The following ZBTB5 variants were observed in gnomAD, a reference collection of about 807,000 sequenced individuals.
The protein encoded by ZBTB5 is zinc finger and BTB domain containing 5, also known as zinc finger and BTB domain-containing protein 5.
Under a neutral mutation model 37.9 loss-of-function variants are expected in ZBTB5, and 15 were observed. The ratio of observed to expected loss-of-function variants is 0.40; its 90% CI spans 0.26 to 0.61. The LOEUF (loss-of-function observed/expected upper bound fraction) is 0.61. ZBTB5 is among the 20% of genes least tolerant of loss of function. The pLI is 0.47. For missense variants in ZBTB5, 708 were observed against 856.8 expected, an observed-to-expected ratio of 0.83 and a Z score of 2.17; for synonymous variants, 315 against 312.4, an observed-to-expected ratio of 1.01 and a Z score of -0.09.
rs1170436974 is a variant in ZBTB5, at chr9:37,441,086, G to A, written c.1466C>T (p.Pro489Leu). 12 of 1,613,910 alleles carry A rather than the reference G, an allele frequency of 7.4e-6. No individual in the cohort carries two copies. The highest frequency in any genetic ancestry group is 1.1e-5 in the South Asian group (1 of 91,074). Residue 489 changes from proline (P) to leucine (L), a missense_variant, in exon 2 of 2, where the codon CCG becomes CTG. Around this residue, in one of 3 missense-constraint regions of ZBTB5, gnomAD observed 639 missense variants for 690.5 expected, o/e 0.93. Coordinates refer to ENST00000307750, the MANE Select transcript of ZBTB5 (RefSeq NM_014872.3). ...TTGGTAGCCTGAAGTCTGCACACAC[G>A]GCAGGCCCATCACCTCCTGCATAGG... Reference protein sequence around the residue: ...VRPMQEVMGLPCVQTSGYQGG... With the variant: ...VRPMQEVMGLLCVQTSGYQGG...
chr9:37,452,209 T>C (rs780123057), intron 1 of ZBTB5, among the ~76,000 whole-genome samples: 5 of 152,238 alleles, frequency 3.3e-5, no homozygotes, highest in Non-Finnish European at 7.3e-5. Context: ...TCTTTCGCTG[T>C]CATTAATTTT....
intron 1 of ZBTB5, among the ~76,000 whole-genome samples, chr9:37,443,492 T>C (rs1433078300): frequency 6.6e-6 from 1 of 152,054 alleles, no homozygotes; most frequent in Non-Finnish European, 1.5e-5. Context: ...AATCCTAAAC[T>C]GGGCAGCGGA....
intron 1 of ZBTB5, among the ~76,000 whole-genome samples, chr9:37,450,027 G>GA (rs1824073363): frequency 6.6e-6 from 1 of 152,070 alleles, no homozygotes; most frequent in Admixed American, 6.6e-5. Flanking sequence ...TTCCCCATGT[G>GA]CTATATAAAC....
intron 1 of ZBTB5, among the ~76,000 whole-genome samples, chr9:37,459,304 CA>C (rs1242517236): frequency 6.6e-6 from 1 of 151,906 alleles, no homozygotes; most frequent in Non-Finnish European, 1.5e-5. Context: ...ACTAAAAATA[CA>C]AAAAATTGGT....
Position 37,441,591 on chromosome 9 carries a change from C to A in ZBTB5, c.961G>T (p.Glu321Ter), listed in dbSNP as rs1823876535. The A allele has an allele frequency of 6.2e-7, 1 of 1,612,988 alleles. No homozygotes were observed. The highest frequency in any genetic ancestry group is 1.7e-5 in the Admixed American group (1 of 59,934). ...ACCACCACTCTCATGTGCTCCTTCT[C>A]ACCAAGGCCAACCTCAGGGTTTTCA... ...QCENPEVGLG[E>*]KEHMRVVVKS... The change falls in exon 2 of 2, where the codon GAG (glutamate) becomes TAG (stop). Residue 321 changes from glutamate to a stop codon, truncating the protein, a stop_gained. Transcript: ENST00000307750. LOFTEE classifies it high-confidence loss of function.
At position 37,465,251 on chromosome 9, in the gene ZBTB5, G is replaced by A. The variant is rs1386160050; in HGVS notation, c.-41C>T. ...TCCGCCCCCCTCCTCCTCGCTGAAG[G>A]AGGCGGTGACCCCTCTCCGATCGGA... On this transcript the variant is annotated 5_prime_UTR_variant, in exon 1 of 2. Transcript: ENST00000307750. 6.6e-6 allele frequency: 1 copy of A among 152,102 alleles called. No homozygotes were observed. The highest frequency in any genetic ancestry group is 1.5e-5 in the Non-Finnish European group (1 of 68,024). The allele number at this position is 152,102 out of a possible 1,614,324, so 9.4% of individuals were successfully genotyped here.
chr9:37,452,135 C>T (rs939013187), intron 1 of ZBTB5, among the ~76,000 whole-genome samples: 6 of 152,184 alleles, frequency 3.9e-5, no homozygotes, highest in Non-Finnish European at 2.9e-5. Flanking sequence ...GTTTGGCCTA[C>T]GCACAGGAAT....
At chr9:37,464,829 AC>A (rs1211537914) in intron 1 of ZBTB5, among the ~76,000 whole-genome samples, 5 of 152,120 alleles carry the variant, frequency 3.3e-5, no homozygotes, top group Non-Finnish European at 7.4e-5. Flanking sequence ...GTCGCTCAAG[AC>A]CCAGGATGGG....
At chr9:37,452,771 CTCAG>C (rs927512297) in intron 1 of ZBTB5, among the ~76,000 whole-genome samples, 6 of 152,182 alleles carry the variant, frequency 3.9e-5, no homozygotes, top group Non-Finnish European at 8.8e-5. Flanking sequence ...CCTGCAGTCA[CTCAG>C]TCAATGACTA....
At position 37,450,532 on chromosome 9, in the gene ZBTB5, A is replaced by G. The variant is rs1824083923; in HGVS notation, c.-4-7977T>C. Among the ~76,000 whole-genome samples the G allele has an allele frequency of 3.3e-5, 5 of 152,248 alleles. No individual in the cohort carries two copies. The South Asian group carries it at 1.0e-3, about 31-fold the overall frequency. ...AGAAATTAACAAATTCATAAAGAAC[A>G]GTATTACCTTTAACCAAGGAGATGT... is the stretch of plus-strand genomic sequence containing the variant. On this transcript the variant is annotated intron_variant, in intron 1 of 1. Transcript: ENST00000307750.
chr9:37,451,015 C>T (rs1824093192), intron 1 of ZBTB5, among the ~76,000 whole-genome samples: 1 of 151,944 alleles, frequency 6.6e-6, no homozygotes, highest in African/African-American at 2.4e-5. Flanking sequence ...CCCGTCTCTA[C>T]CAAAAATACA....
At chr9:37,449,452 C>T (rs1824057074) in intron 1 of ZBTB5, among the ~76,000 whole-genome samples, 1 of 152,070 alleles carries the variant, frequency 6.6e-6, no homozygotes, top group South Asian at 2.1e-4. Flanking sequence ...AATCTCAGCA[C>T]TTTTGGAGGT....
intron 1 of ZBTB5, among the ~76,000 whole-genome samples, chr9:37,451,723 G>A (rs1245373159): frequency 2.0e-5 from 3 of 152,026 alleles, no homozygotes; most frequent in African/African-American, 7.3e-5. Flanking sequence ...ATCCTTAAAA[G>A]AGTTTTTAAG....
intron 1 of ZBTB5, among the ~76,000 whole-genome samples, chr9:37,453,834 T>C (rs1394827133): frequency 1.3e-5 from 2 of 152,284 alleles, no homozygotes; most frequent in East Asian, 1.9e-4. Context: ...AAAGAGACTA[T>C]CTCAACCCAG....
At chr9:37,445,964 G>A (rs1434811409) in intron 1 of ZBTB5, among the ~76,000 whole-genome samples, 2 of 152,002 alleles carry the variant, frequency 1.3e-5, no homozygotes, top group Non-Finnish European at 2.9e-5. Context: ...AGCCGGCCAT[G>A]GTGGCGAGTG....
intron 1 of ZBTB5, among the ~76,000 whole-genome samples, chr9:37,453,121 C>A (rs376614753): frequency 3.9e-5 from 6 of 152,196 alleles, no homozygotes; most frequent in Non-Finnish European, 7.3e-5. Context: ...TGTCCCATAA[C>A]CATTAGGTGA....
chr9:37,456,814 TA>T (rs1824195893), intron 1 of ZBTB5, among the ~76,000 whole-genome samples: 1 of 152,212 alleles, frequency 6.6e-6, no homozygotes, highest in Non-Finnish European at 1.5e-5. Flanking sequence ...TTTTGCTATA[TA>T]TGGATGAAGT....
At chr9:37,453,774 C>G (rs571379163) in intron 1 of ZBTB5, among the ~76,000 whole-genome samples, 1 of 152,202 alleles carries the variant, frequency 6.6e-6, no homozygotes, top group Admixed American at 6.5e-5. Flanking sequence ...GGTATGTGAC[C>G]CAAGTTCTGC....
At chr9:37,465,119 TGCGCGCTCCCCGACGCCTTG>T (rs1344648969) in intron 1 of ZBTB5, 76 bp downstream of exon 1, 1 of 152,354 alleles carries the variant, frequency 6.6e-6, no homozygotes, top group Non-Finnish European at 1.5e-5. Context: ...AGTACACGTC[TGCGCGCTCCCCGACGCCTTG>T]GCGCGCCCCT....
Sources: allele counts gnomAD v4.1 joint callset (sites outside exome capture counted in the v4.1 genomes callset), GRCh38; gene constraint gnomAD v4.1.1; regional missense constraint gnomAD v4.1.1; transcripts MANE v1.5; gene names NCBI Gene and HGNC (gene_info 2026-07-23, HGNC 2026-07-21).